Variants in ADAMTSL1 observed in about 807,000 individuals in gnomAD.
ADAMTSL1 encodes ADAMTS-like protein 1.
Under a neutral mutation model 201.8 loss-of-function variants are expected in ADAMTSL1, and 126 were observed. The observed-to-expected ratio is 0.62, with a 90% CI of 0.54 to 0.72. The LOEUF (loss-of-function observed/expected upper bound fraction) is 0.72, where lower values mean the gene tolerates loss of function less well. Ranked by LOEUF, ADAMTSL1 falls within the 30% of genes least tolerant of loss-of-function variation. The pLI is 0.00. For missense variants in ADAMTSL1, 2,679 were observed against 2,277.8 expected (o/e 1.18, Z -3.59); for synonymous variants, 1,121 against 903.4 (o/e 1.24, Z -4.32).
Position 18,570,436 on chromosome 9 carries a change from A to G in ADAMTSL1, c.238-3594A>G, listed in dbSNP as rs561704283. 3.9e-5 allele frequency among the ~76,000 whole-genome samples: 6 copies of G among 152,306 alleles called. No homozygotes were observed. The East Asian group carries it at 1.2e-3, about 29-fold the overall frequency. On this transcript the variant is annotated intron_variant, in intron 3 of 28. Coordinates refer to ENST00000380548, the MANE Select transcript of ADAMTSL1 (RefSeq NM_001040272.6). Reference sequence around the variant, plus strand: ...TGATCCCAGATGCATTAGGGGTTCAATGGATGTCTTAAACTATGCTTGAAA... The same window carrying G: ...TGATCCCAGATGCATTAGGGGTTCAGTGGATGTCTTAAACTATGCTTGAAA...
intron 18 of ADAMTSL1, 37 bp downstream of exon 18, chr9:18,775,933 A>G: frequency 6.4e-7 from 1 of 1,566,712 alleles, no homozygotes. Flanking sequence ...GGGAGATGAA[A>G]CCCACACAGC....
At chr9:18,339,628 T>A (rs1000670295) in intron 2 of ADAMTSL1, among the ~76,000 whole-genome samples, 1 of 152,130 alleles carries the variant, frequency 6.6e-6, no homozygotes, top group Non-Finnish European at 1.5e-5. Context: ...GAATATTTTT[T>A]AACTTTTTTT....
chr9:18,847,871 C>T (rs1021875951), intron 23 of ADAMTSL1, among the ~76,000 whole-genome samples: 2 of 152,172 alleles, frequency 1.3e-5, no homozygotes, highest in South Asian at 2.1e-4. Context: ...CACTTTAAAG[C>T]AACAGTGAGA....
intron 2 of ADAMTSL1, among the ~76,000 whole-genome samples, chr9:18,515,881 C>A (rs576818149): frequency 6.6e-6 from 1 of 152,092 alleles, no homozygotes; most frequent in African/African-American, 2.4e-5. Flanking sequence ...ATTAATTAAG[C>A]CTACAAACAT....
At position 18,484,755 on chromosome 9, in the gene ADAMTSL1, G is replaced by T. The variant is rs1005066758; in HGVS notation, c.63+10460G>T. On this transcript the variant is annotated intron_variant, in intron 1 of 28. Coordinates refer to ENST00000380548, the MANE Select transcript of ADAMTSL1 (RefSeq NM_001040272.6). ...TCTTGGCTGCAGGCTCCAGGATTTTGATTTTAAGAAACTCGATCAGTGGGT... is the reference window on the plus strand; with the variant it reads ...TCTTGGCTGCAGGCTCCAGGATTTTTATTTTAAGAAACTCGATCAGTGGGT... Among the ~76,000 whole-genome samples, 132 of 152,272 alleles carry T rather than the reference G, an allele frequency of 8.7e-4. 1 individual carries two copies. The highest frequency in any genetic ancestry group is 3.1e-3 in the African/African-American group (128 of 41,566).
chr9:18,571,991 G>A (rs1587602694), intron 3 of ADAMTSL1, among the ~76,000 whole-genome samples: 2 of 152,000 alleles, frequency 1.3e-5, no homozygotes, highest in Admixed American at 6.6e-5. Context: ...TCAGGAGTTC[G>A]AGACCAGCCT....
intron 1 of ADAMTSL1, among the ~76,000 whole-genome samples, chr9:17,922,801 C>A (rs181831240): frequency 6.6e-6 from 1 of 152,112 alleles, no homozygotes; most frequent in Non-Finnish European, 1.5e-5. Flanking sequence ...TATGAACCAC[C>A]AGTTTAAAGT....
intron 1 of ADAMTSL1, among the ~76,000 whole-genome samples, chr9:18,077,188 A>G (rs879497898): frequency 6.6e-6 from 1 of 152,208 alleles, no homozygotes; most frequent in Admixed American, 6.5e-5. Flanking sequence ...GATAGCATAT[A>G]AAAGTCTGAA....
chr9:17,982,584 C>G (rs1417047148), intron 1 of ADAMTSL1, among the ~76,000 whole-genome samples: 1 of 151,958 alleles, frequency 6.6e-6, no homozygotes, highest in Non-Finnish European at 1.5e-5. Context: ...TGCACTCCAG[C>G]CTGGGTGACA....
In ADAMTSL1 at chr9:18,733,158, A is replaced by G. The variant is rs766010455; in HGVS notation, c.2006+11493A>G. Among the ~76,000 whole-genome samples the G allele has an allele frequency of 2.6e-5, 4 of 152,172 alleles. No homozygotes were observed. In the South Asian group the frequency reaches 6.2e-4, roughly 24 times the overall value. On this transcript the variant is annotated intron_variant, in intron 15 of 28. Transcript: ENST00000380548. ...CACACTGTCCTGGGTACTGTGCTGT[A>G]ACCGTGGGAATGACCGCAGTGTAAA...
intron 5 of ADAMTSL1, among the ~76,000 whole-genome samples, chr9:18,626,938 C>T (rs58073334): frequency 1.1e-3 from 135 of 123,312 alleles, no homozygotes; most frequent in African/African-American, 4.0e-3. Context: ...TTCTTTCTTT[C>T]CTTTCTTTCT....
At chr9:18,266,937 T>C (rs774198027) in intron 2 of ADAMTSL1, among the ~76,000 whole-genome samples, 4 of 152,134 alleles carry the variant, frequency 2.6e-5, no homozygotes, top group Non-Finnish European at 5.9e-5. Flanking sequence ...AATTGCATTG[T>C]TTCTAACCTC....
intron 2 of ADAMTSL1, among the ~76,000 whole-genome samples, chr9:18,186,180 A>T (rs767390716): frequency 2.0e-5 from 3 of 152,162 alleles, no homozygotes; most frequent in African/African-American, 7.2e-5. Flanking sequence ...ATGGCTAATG[A>T]TGGTTGTGGA....
intron 16 of ADAMTSL1, among the ~76,000 whole-genome samples, chr9:18,756,330 TA>T (rs1164224013): frequency 6.9e-6 from 1 of 145,816 alleles, no homozygotes; most frequent in Non-Finnish European, 1.5e-5. Context: ...TAGAAATCTC[TA>T]AACCTGGAGT....
chr9:18,097,642 C>T (rs899976468), intron 1 of ADAMTSL1, among the ~76,000 whole-genome samples: 1 of 152,156 alleles, frequency 6.6e-6, no homozygotes, highest in Non-Finnish European at 1.5e-5. Flanking sequence ...CAGTCTAATG[C>T]ATGTCTCTCA....
At chr9:18,096,708 A>T (rs139520022) in intron 1 of ADAMTSL1, among the ~76,000 whole-genome samples, 50 of 152,324 alleles carry the variant, frequency 3.3e-4, no homozygotes, top group African/African-American at 1.2e-3. Flanking sequence ...ACAAATGTAT[A>T]TGTTGTATCA....
chr9:18,105,489 T>C (rs1404540101), intron 1 of ADAMTSL1, among the ~76,000 whole-genome samples: 1 of 152,190 alleles, frequency 6.6e-6, no homozygotes, highest in Non-Finnish European at 1.5e-5. Flanking sequence ...GATGGAGCAT[T>C]TCTAAGCCCC....
intron 1 of ADAMTSL1, among the ~76,000 whole-genome samples, chr9:18,495,380 A>C (rs914791841): frequency 6.6e-5 from 10 of 152,168 alleles, no homozygotes; most frequent in Non-Finnish European, 1.3e-4. Flanking sequence ...CATAAAATCA[A>C]ATAAGGAACT....
chr9:18,627,108 A>G (rs116005447), intron 5 of ADAMTSL1, among the ~76,000 whole-genome samples: 516 of 151,952 alleles, frequency 3.4e-3, no homozygotes, highest in African/African-American at 0.012. Flanking sequence ...AGCCTCCCCA[A>G]GTAGCTGGGA....
Sources: allele counts gnomAD v4.1 joint callset (sites outside exome capture counted in the v4.1 genomes callset), GRCh38; gene constraint gnomAD v4.1.1; transcripts MANE v1.5; gene names NCBI Gene and HGNC (gene_info 2026-07-23, HGNC 2026-07-21).